EGF: variants seen among roughly 807,000 people sequenced by gnomAD.
EGF encodes the protein epidermal growth factor.
A neutral mutation model predicts 143.8 loss-of-function variants in EGF; 95 were observed. The ratio of observed to expected loss-of-function variants is 0.66; its 90% CI spans 0.56 to 0.78. The LOEUF (loss-of-function observed/expected upper bound fraction) is 0.78, where lower values mean the gene tolerates loss of function less well. Among genes scored for constraint, EGF ranks in the 30% least tolerant of loss-of-function variants. EGF has a pLI of 0.00. For synonymous variants in EGF, 510 were observed against 510.5 expected (o/e 1.00, Z 0.01); for missense variants, 1,320 against 1,470.9 (o/e 0.90, Z 1.68).
intron 16 of EGF, among the ~76,000 whole-genome samples, 195 bp downstream of exon 16, chr4:109,983,736 A>C (rs1560735544): frequency 6.6e-6 from 1 of 152,262 alleles, no homozygotes; most frequent in East Asian, 1.9e-4. Flanking sequence ...GTCTGGACAT[A>C]AACAGGACAC....
chr4:109,973,366 C>T (rs78493741), intron 11 of EGF, among the ~76,000 whole-genome samples: 3,004 of 152,232 alleles, frequency 0.02, 102 homozygotes, highest in African/African-American at 0.067. Context: ...TGTATATGTA[C>T]ATTCCCTTGC....
intron 10 of EGF, among the ~76,000 whole-genome samples, chr4:109,967,217 A>G (rs1746746555): frequency 6.6e-6 from 1 of 152,112 alleles, no homozygotes. Flanking sequence ...TTAATTTTTT[A>G]TATGGTGAGA....
chr4:109,999,950 T>C (rs1391353304), intron 21 of EGF, 104 bp downstream of exon 21: 4 of 1,527,924 alleles, frequency 2.6e-6, no homozygotes, highest in Non-Finnish European at 3.6e-6. Context: ...CTCTACATAC[T>C]ACATTTAAAA....
chr4:109,921,524 TTCATG>T (rs1285207662), intron 1 of EGF, among the ~76,000 whole-genome samples: 1 of 151,604 alleles, frequency 6.6e-6, no homozygotes. Flanking sequence ...GTGACAGTGA[TTCATG>T]GTAGGCACTA....
rs1403281156 is a variant in EGF at position 110,013,497 on chromosome 4, C to T, written c.*2042C>T. Among the ~76,000 whole-genome samples, 5 of 152,158 alleles carry T rather than the reference C, an allele frequency of 3.3e-5. No homozygotes were observed. In the East Asian group the frequency reaches 9.7e-4, roughly 29 times the overall value. Reference sequence around the variant, plus strand: ...ACTTTGTGTTTTTTAATCACCAAGGCACCCTGCAGAGATATCTTCTTCTTG... The same window carrying T: ...ACTTTGTGTTTTTTAATCACCAAGGTACCCTGCAGAGATATCTTCTTCTTG... On this transcript the variant is annotated 3_prime_UTR_variant, in exon 24 of 24. Transcript: ENST00000265171.
rs1752335812 is a variant in EGF, at chr4:109,999,855, G to A, written c.3173+9G>A. 1.9e-6 allele frequency: 3 copies of A among 1,612,966 alleles called. No homozygotes were observed. Among genetic ancestry groups the A allele is most frequent in the Middle Eastern group, 2.0e-4 (1 of 5,088 alleles). The stretch of plus-strand genomic sequence containing the variant: ...GGGGCCCACTACTACAGGTGACCCT[G>A]TCTTTCCTTTGGTACTGGAAACCTC... On this transcript the variant is annotated intron_variant, in intron 21 of 23. Transcript: ENST00000265171.
intron 9 of EGF, among the ~76,000 whole-genome samples, chr4:109,964,045 A>T (rs1271076130): frequency 6.6e-6 from 1 of 152,204 alleles, no homozygotes; most frequent in African/African-American, 2.4e-5. Context: ...AAAGTATACA[A>T]TCTACTAATA....
intron 10 of EGF, among the ~76,000 whole-genome samples, chr4:109,965,995 C>A (rs1049639677): frequency 4.0e-5 from 6 of 151,654 alleles, no homozygotes; most frequent in Non-Finnish European, 8.8e-5. Context: ...TAAAATTCTA[C>A]AATGCTTTCA....
intron 22 of EGF, among the ~76,000 whole-genome samples, chr4:110,005,246 A>G (rs1452953208): frequency 1.3e-5 from 2 of 150,948 alleles, no homozygotes; most frequent in South Asian, 2.1e-4. Flanking sequence ...GAGTTTCACC[A>G]TGTTTCCCAG....
chr4:109,937,497 C>T (rs913795663), intron 1 of EGF, among the ~76,000 whole-genome samples: 2 of 151,978 alleles, frequency 1.3e-5, no homozygotes, highest in African/African-American at 4.8e-5. Flanking sequence ...ATCCAATTTG[C>T]CAGTCTGTGT....
intron 18 of EGF, among the ~76,000 whole-genome samples, chr4:109,992,010 A>G (rs1414196095): frequency 6.6e-6 from 1 of 151,862 alleles, no homozygotes; most frequent in Non-Finnish European, 1.5e-5. Flanking sequence ...TTAAAAACAA[A>G]CAAGCAAACA....
Position 109,937,108 on chromosome 4 carries a change from G to A in EGF, c.128-3838G>A, listed in dbSNP as rs113384470. Among the ~76,000 whole-genome samples, 845 of 151,618 alleles carry A rather than the reference G, an allele frequency of 5.6e-3. 7 individuals carry two copies. The highest frequency in any genetic ancestry group is 0.025 in the South Asian group (120 of 4,790). ...AATATCCTTGTTAATTTTCTTTCTC[G>A]TTGGTCTAATATTGACAGTGGGGTG... is the stretch of plus-strand genomic sequence containing the variant. On this transcript the variant is annotated intron_variant, in intron 1 of 23. Transcript: ENST00000265171.
In EGF at chr4:110,006,359, G is replaced by C. The variant is rs540780940; in HGVS notation, c.3291+1737G>C. Among the ~76,000 whole-genome samples, 4 of 152,146 alleles carry C rather than the reference G, an allele frequency of 2.6e-5. No homozygotes were observed. The South Asian group carries it at 8.3e-4, about 32-fold the overall frequency. ...GACCTTTTCTCTAAAGCATGAGAAA[G>C]AACATGAGTTCTAGCCTTACTCTCC... On this transcript the variant is annotated intron_variant, in intron 22 of 23. Coordinates refer to ENST00000265171, the MANE Select transcript of EGF (RefSeq NM_001963.6).
intron 9 of EGF, among the ~76,000 whole-genome samples, chr4:109,964,060 T>C (rs1271893703): frequency 6.6e-6 from 1 of 152,190 alleles, no homozygotes; most frequent in Non-Finnish European, 1.5e-5. Context: ...CTAATATTAG[T>C]GTTTCAGTAT....
chr4:109,970,044 A>G (rs1162546002), intron 11 of EGF, among the ~76,000 whole-genome samples: 1 of 152,164 alleles, frequency 6.6e-6, no homozygotes, highest in Non-Finnish European at 1.5e-5. Context: ...AGGAAAGTGC[A>G]TGAGATAAGA....
In EGF at chr4:109,988,715, A is replaced by T. The variant is rs747577881; in HGVS notation, c.2734+6A>T. The T allele has an allele frequency of 3.7e-6, 6 of 1,613,700 alleles. No individual in the cohort carries two copies. In the Admixed American group the frequency reaches 1.0e-4, roughly 27 times the overall value. On this transcript the variant is annotated splice_donor_region_variant and intron_variant, in intron 18 of 23. Transcript: ENST00000265171. ...AGATGGGATTCACTGTCTTGGTAAG[A>T]GGACACATGTGCTGGGGAGGAGGGC...
intron 10 of EGF, among the ~76,000 whole-genome samples, chr4:109,965,407 G>A (rs1746392698): frequency 6.6e-6 from 1 of 152,050 alleles, no homozygotes; most frequent in African/African-American, 2.4e-5. Flanking sequence ...CCAAATAGAA[G>A]TATTTTTGCA....
At chr4:109,967,170 T>A (rs1174553800) in intron 10 of EGF, among the ~76,000 whole-genome samples, 1 of 152,234 alleles carries the variant, frequency 6.6e-6, no homozygotes, top group Non-Finnish European at 1.5e-5. Context: ...ATTTTTATAG[T>A]TTCAGGCTTA....
At chr4:109,934,527 T>C (rs1169167439) in intron 1 of EGF, among the ~76,000 whole-genome samples, 1 of 152,368 alleles carries the variant, frequency 6.6e-6, no homozygotes, top group Admixed American at 6.5e-5. Flanking sequence ...TTCACTCTGA[T>C]GATAGTTTCT....
Sources: allele counts gnomAD v4.1 joint callset (sites outside exome capture counted in the v4.1 genomes callset), GRCh38; gene constraint gnomAD v4.1.1; transcripts MANE v1.5; gene names NCBI Gene and HGNC (gene_info 2026-07-23, HGNC 2026-07-21).